Variants in HDHD5 observed in about 807,000 individuals in gnomAD.
HDHD5 encodes the protein haloacid dehalogenase like hydrolase domain containing 5.
A neutral mutation model predicts 35.5 loss-of-function variants in HDHD5; 34 were observed. The observed-to-expected ratio is 0.96, with a 90% CI of 0.73 to 1.28. The LOEUF (loss-of-function observed/expected upper bound fraction) is 1.28. HDHD5 is among the 50% of genes most tolerant of loss of function. The pLI is 0.00. For synonymous variants in HDHD5, 248 were observed against 240.6 expected, an observed-to-expected ratio of 1.03 and a Z score of -0.29; for missense variants, 589 against 560.2, an observed-to-expected ratio of 1.05 and a Z score of -0.52.
chr22:17,139,780 C>T (rs1215653635), intron 6 of HDHD5, among the ~76,000 whole-genome samples: 1 of 152,184 alleles, frequency 6.6e-6, no homozygotes, highest in Admixed American at 6.5e-5. Flanking sequence ...GCCATGTTGG[C>T]CAGGCTGATC....
rs533502283 is a variant in HDHD5, at chr22:17,156,692, T to C, written c.126+2434A>G. ...TCCGGAGGCTGAGGCAGGAGAATGA[T>C]GTGAACCCAGGAGGCAGAGCTTGCA... On this transcript the variant is annotated intron_variant, in intron 1 of 7. Coordinates refer to ENST00000336737, the MANE Select transcript of HDHD5 (RefSeq NM_033070.3). Among the ~76,000 whole-genome samples, 122 of 148,368 alleles carry C rather than the reference T, an allele frequency of 8.2e-4. 1 individual carries two copies. Among genetic ancestry groups the C allele is most frequent in the Admixed American group, 7.1e-3 (106 of 14,876 alleles).
chr22:17,159,343 G>T, upstream of HDHD5: 1 of 1,207,616 alleles, frequency 8.3e-7, no homozygotes, highest in Non-Finnish European at 1.1e-6. Flanking sequence ...GGCGCGCGCG[G>T]CATCACGGGA....
At chr22:17,140,008 C>T (rs895978255) in intron 6 of HDHD5, among the ~76,000 whole-genome samples, 82 of 152,302 alleles carry the variant, frequency 5.4e-4, no homozygotes, top group African/African-American at 1.4e-3. Context: ...TCAGCATACC[C>T]GCCTCTAGGA....
At chr22:17,159,657 T>C, upstream of HDHD5, 1 of 351,022 alleles carries the variant, frequency 2.8e-6, no homozygotes. Flanking sequence ...GGGCAGACCC[T>C]TAGTGATGTT....
At chr22:17,157,085 TACACACACAC>T (rs58807817) in intron 1 of HDHD5, among the ~76,000 whole-genome samples, 16 of 143,732 alleles carry the variant, frequency 1.1e-4, no homozygotes, top group East Asian at 2.1e-4. Context: ...CTCACACACA[TACACACACAC>T]ACACACACAC....
chr22:17,137,801 G>T lies in HDHD5; in HGVS notation c.*220C>A. The T allele has an allele frequency of 1.8e-6, 1 of 549,422 alleles. No individual in the cohort carries two copies. Among genetic ancestry groups the T allele is most frequent in the Non-Finnish European group, 3.3e-6 (1 of 307,558 alleles). 34.0% of individuals were successfully genotyped at this position (549,422 alleles called of 1,614,324 possible). ...CTGCCACGAAAGGCACGTGGGAACT[G>T]GGCCCAGAAAATTCCAACCGTTCCA... On this transcript the variant is annotated 3_prime_UTR_variant, in exon 8 of 8. Coordinates refer to ENST00000336737, the MANE Select transcript of HDHD5 (RefSeq NM_033070.3).
intron 1 of HDHD5, among the ~76,000 whole-genome samples, chr22:17,151,500 AG>A (rs2061724161): frequency 6.6e-6 from 1 of 152,040 alleles, no homozygotes; most frequent in African/African-American, 2.4e-5. Context: ...GAGGCTCAAG[AG>A]GGTGGATCAC....
At chr22:17,144,090 T>C (rs531010530) in intron 4 of HDHD5, among the ~76,000 whole-genome samples, 1 of 152,282 alleles carries the variant, frequency 6.6e-6, no homozygotes, top group East Asian at 1.9e-4. Flanking sequence ...GGCCTCAGGA[T>C]TGCTAACTTC....
intron 3 of HDHD5, among the ~76,000 whole-genome samples, chr22:17,147,297 A>C (rs174783): frequency 2.1e-4 from 13 of 62,158 alleles, no homozygotes; most frequent in East Asian, 4.4e-4. Context: ...CCTGTGACGC[A>C]CTCCTGTGAG....
At chr22:17,144,448 C>CTG (rs1339288068) in intron 4 of HDHD5, among the ~76,000 whole-genome samples, 1 of 148,454 alleles carries the variant, frequency 6.7e-6, no homozygotes, top group Admixed American at 6.7e-5. Context: ...GAGTCTCGCT[C>CTG]TGTTGCCCAG....
At chr22:17,140,814 C>A (rs7287119) in intron 6 of HDHD5, among the ~76,000 whole-genome samples, 3 of 151,964 alleles carry the variant, frequency 2.0e-5, no homozygotes, top group African/African-American at 7.3e-5. Context: ...GCAGGGGTCA[C>A]GTGTGAAACA....
At chr22:17,163,223 G>A (rs1338693810), upstream of HDHD5, among the ~76,000 whole-genome samples, 5 of 152,278 alleles carry the variant, frequency 3.3e-5, no homozygotes, top group East Asian at 7.7e-4. Context: ...CTCAGAGAGG[G>A]CTTCGGTGCT....
At chr22:17,139,965 G>A (rs1386391004) in intron 6 of HDHD5, among the ~76,000 whole-genome samples, 1 of 152,072 alleles carries the variant, frequency 6.6e-6, no homozygotes, top group Non-Finnish European at 1.5e-5. Context: ...TCAGTTCACA[G>A]AGACATAACC....
intron 1 of HDHD5, 74 bp downstream of exon 1, chr22:17,159,052 C>G: frequency 1.7e-6 from 2 of 1,167,830 alleles, no homozygotes; most frequent in Non-Finnish European, 2.1e-6. Flanking sequence ...GGCCGCCCCT[C>G]CTTCCCCGCG....
intron 1 of HDHD5, among the ~76,000 whole-genome samples, chr22:17,151,284 C>G (rs1268837550): frequency 6.6e-6 from 1 of 152,060 alleles, no homozygotes; most frequent in Non-Finnish European, 1.5e-5. Context: ...TATAAACTGC[C>G]TGTTAACATA....
chr22:17,148,336 G>C, intron 3 of HDHD5, 112 bp downstream of exon 3: 1 of 839,342 alleles, frequency 1.2e-6, no homozygotes, highest in Admixed American at 2.0e-5. Flanking sequence ...CCACAACATC[G>C]CCTGTGTACC....
rs35327402 is a variant in HDHD5, at chr22:17,138,047, G to C, written c.1246C>G (p.Arg416Gly). 6.2e-7 allele frequency: 1 copy of C among 1,613,082 alleles called. No individual in the cohort carries two copies. Among genetic ancestry groups the C allele is most frequent in the East Asian group, 2.2e-5 (1 of 44,844 alleles). The change falls in exon 8 of 8, where the codon CGC becomes GGC. Residue 416 changes from arginine (R) to glycine (G), a missense_variant. Arg to Gly is a moderately radical substitution (Grantham distance 125). Transcript: ENST00000336737. ...CACTCCAAAGCCCAGCCCTCCTTGC[G>C]GAAGACCAGCTGCACAGCCTCATTC... ...DVNEAVQLVFRKEGWALE is the reference protein window; with the variant it reads ...DVNEAVQLVFGKEGWALE
At chr22:17,141,254 G>A (rs767784735) in intron 5 of HDHD5, 21 bp from the exon 6 acceptor site, 25 of 1,579,088 alleles carry the variant, frequency 1.6e-5, no homozygotes, top group Non-Finnish European at 2.1e-5. Flanking sequence ...CAGAGGCGCA[G>A]GTGAGGGCTG....
At chr22:17,164,339 A>T (rs1370311324) in intron 1 of HDHD5, among the ~76,000 whole-genome samples, 1 of 152,096 alleles carries the variant, frequency 6.6e-6, no homozygotes, top group Non-Finnish European at 1.5e-5. Flanking sequence ...TAACACCCAC[A>T]CACATTTTCT....
Sources: gnomAD v4.1 joint callset for allele counts (sites outside exome capture counted in the v4.1 genomes callset) on GRCh38, gnomAD v4.1.1 for gene constraint, MANE v1.5 for transcripts, NCBI Gene and HGNC (gene_info 2026-07-23, HGNC 2026-07-21) for gene names.